The following VAV2 variants were observed in gnomAD, a reference collection of about 807,000 sequenced individuals.
VAV2 encodes guanine nucleotide exchange factor VAV2.
VAV2 carries 67 observed loss-of-function variants against 132.5 expected under a neutral mutation model. That is an observed-to-expected ratio of 0.51 (90% CI 0.42 to 0.62). The LOEUF is 0.62. Among genes scored for constraint, VAV2 ranks in the 20% least tolerant of loss-of-function variants. VAV2 has a pLI of 0.00. For synonymous variants in VAV2, 492 were observed against 443.5 expected (o/e 1.11, Z -1.37); for missense variants, 938 against 1,153.6 (o/e 0.81, Z 2.71).
intron 4 of VAV2, among the ~76,000 whole-genome samples, chr9:133,814,136 A>G (rs913718391): frequency 1.3e-5 from 2 of 152,172 alleles, no homozygotes; most frequent in African/African-American, 4.8e-5. Flanking sequence ...CTCCCCTGGG[A>G]ACAGACATGA....
intron 4 of VAV2, among the ~76,000 whole-genome samples, chr9:133,815,025 C>T (rs574326729): frequency 1.8e-4 from 28 of 152,076 alleles, no homozygotes; most frequent in Admixed American, 2.6e-4. Context: ...CCACTGATCC[C>T]GGGATGGAAG....
At chr9:133,784,901 C>T (rs1265508314) in intron 17 of VAV2, among the ~76,000 whole-genome samples, 1 of 152,052 alleles carries the variant, frequency 6.6e-6, no homozygotes, top group Non-Finnish European at 1.5e-5. Context: ...ACGCGGATGG[C>T]GGCAGCGTGG....
chr9:133,942,731 C>T (rs545385904), intron 1 of VAV2, among the ~76,000 whole-genome samples: 115 of 152,336 alleles, frequency 7.5e-4, no homozygotes, highest in Admixed American at 1.2e-3. Flanking sequence ...TTCCCATGGG[C>T]CCAGCAACTG....
At chr9:133,814,248 C>G (rs767871928) in intron 4 of VAV2, among the ~76,000 whole-genome samples, 1 of 152,236 alleles carries the variant, frequency 6.6e-6, no homozygotes, top group Admixed American at 6.5e-5. Flanking sequence ...CTGCCACCAG[C>G]GATGACACAA....
chr9:133,835,781 G>C (rs570558039), intron 3 of VAV2, among the ~76,000 whole-genome samples: 9 of 152,328 alleles, frequency 5.9e-5, no homozygotes, highest in Admixed American at 4.6e-4. Context: ...GGGCAGGGGG[G>C]AGTCCGCTGA....
Position 133,883,060 on chromosome 9 carries a change from C to A in VAV2, c.322-21628G>T, listed in dbSNP as rs567380912. On this transcript the variant is annotated intron_variant, in intron 2 of 29. Transcript: ENST00000371850. The surrounding 1 kb of genome is among the most constrained non-coding windows in gnomAD (Gnocchi z 4.2). ...CTTGGCCCCCTAATGGCCCTCTTTC[C>A]CAGGGAACAACCTCCCCAGGCTCCA... is the stretch of plus-strand genomic sequence containing the variant. 1.8e-4 allele frequency among the ~76,000 whole-genome samples: 28 copies of A among 152,306 alleles called. No homozygotes were observed. The highest frequency in any genetic ancestry group is 6.7e-4 in the African/African-American group (28 of 41,572).
rs551997831 is a variant in VAV2, at chr9:133,976,670, T to A, written c.204+15405A>T. ...CTCCCCAGCGCCTTCTCCCGGCAGC[T>A]ACGCATCTGGCTTTCTGTCCTGCGA... On this transcript the variant is annotated intron_variant, in intron 1 of 29. Transcript: ENST00000371850. Among the ~76,000 whole-genome samples the A allele has an allele frequency of 6.7e-3, 1,017 of 152,348 alleles. 9 individuals carry two copies. Among genetic ancestry groups the A allele is most frequent in the Non-Finnish European group, 7.8e-3 (531 of 68,030 alleles).
Position 133,834,086 on chromosome 9 carries a change from A to G in VAV2, c.449+186T>C, listed in dbSNP as rs1836366057. Among the ~76,000 whole-genome samples, 1 of 152,204 alleles carries G rather than the reference A, an allele frequency of 6.6e-6. No individual in the cohort carries two copies. The highest frequency in any genetic ancestry group is 2.4e-5 in the African/African-American group (1 of 41,462). ...CTCATGTCTGAGGTCTCTCAGATGC[A>G]TGCCTTCCCACTCAGCACGGAAGCC... On this transcript the variant is annotated intron_variant, in intron 4 of 29. Transcript: ENST00000371850. This position sits in a 1 kb window ranked among gnomAD's most constrained non-coding sequence, Gnocchi z 5.9.
Position 133,809,121 on chromosome 9 carries a change from T to C in VAV2, c.585A>G (p.Glu195=), listed in dbSNP as rs2131693979. ...GCAGGCAGCAGTTCCTCTTGTCATC[T>C]TCAGTCATGCCCATTTTCTAGAGGA... ...IRYMQKMGMT[E]DDKRNCCLLE... Residue 195 remains glutamate, a synonymous_variant, in exon 7 of 30, where the codon GAA becomes GAG. Transcript: ENST00000371850. 2 of 1,613,930 alleles carry C rather than the reference T, an allele frequency of 1.2e-6. No homozygotes were observed. The highest frequency in any genetic ancestry group is 1.7e-6 in the Non-Finnish European group (2 of 1,179,920).
In VAV2 at chr9:133,852,609, T is replaced by A. The variant is rs1150063; in HGVS notation, c.380+8765A>T. Among the ~76,000 whole-genome samples the A allele has an allele frequency of 4.6e-5, 7 of 152,288 alleles. No homozygotes were observed. In the South Asian group the frequency reaches 1.0e-3, roughly 23 times the overall value. On this transcript the variant is annotated intron_variant, in intron 3 of 29. Transcript: ENST00000371850. ...TTAAAGACAGACACAGGCAGATCCC[T>A]GCCCCACTGCAGAAGCTCAGGCTGG...
intron 2 of VAV2, among the ~76,000 whole-genome samples, chr9:133,923,765 G>C (rs1213161115): frequency 2.0e-5 from 3 of 152,162 alleles, no homozygotes; most frequent in Non-Finnish European, 4.4e-5. Context: ...TGATAGACTG[G>C]ATTAAGAAAA....
rs73663838 is a variant in VAV2 at position 133,791,128 on chromosome 9, C to A, written c.1188+655G>T. Reference sequence around the variant, plus strand: ...GAGGTGGAGAAGCCCAGGTTAGAACCAGCAGATCCTCGGGAAGTCGGCTCC... The same window carrying A: ...GAGGTGGAGAAGCCCAGGTTAGAACAAGCAGATCCTCGGGAAGTCGGCTCC... On this transcript the variant is annotated intron_variant, in intron 13 of 29. Transcript: ENST00000371850. Among the ~76,000 whole-genome samples, 1,070 of 152,318 alleles carry A rather than the reference C, an allele frequency of 7.0e-3. 12 individuals carry two copies. The highest frequency in any genetic ancestry group is 0.024 in the African/African-American group (979 of 41,574).
chr9:133,926,525 C>A lies in VAV2; in HGVS notation c.321+12578G>T, dbSNP rs1412473814. Among the ~76,000 whole-genome samples, 2 of 152,132 alleles carry A rather than the reference C, an allele frequency of 1.3e-5. No homozygotes were observed. The highest frequency in any genetic ancestry group is 6.5e-5 in the Admixed American group (1 of 15,282). The stretch of plus-strand genomic sequence containing the variant: ...CTCTCTGGCACTGCCCTAGCTCCTG[C>A]CCCTCCCAGTCTCCTACTCCAAGCA... On this transcript the variant is annotated intron_variant, in intron 2 of 29. Transcript: ENST00000371850. This position sits in a 1 kb window ranked among gnomAD's most constrained non-coding sequence, Gnocchi z 4.3.
intron 1 of VAV2, among the ~76,000 whole-genome samples, chr9:133,989,496 G>A (rs1288813356): frequency 1.3e-5 from 2 of 150,410 alleles, no homozygotes; most frequent in African/African-American, 4.9e-5. Flanking sequence ...CTCCAGCCTG[G>A]GCAATAGAGC....
chr9:133,829,198 T>A (rs1836169048), intron 4 of VAV2, among the ~76,000 whole-genome samples: 1 of 152,256 alleles, frequency 6.6e-6, no homozygotes, highest in Admixed American at 6.5e-5. Context: ...TTAGAGCAAT[T>A]TAAAAACAGG....
chr9:133,771,199 G>C (rs1833614025), intron 26 of VAV2, among the ~76,000 whole-genome samples: 1 of 152,076 alleles, frequency 6.6e-6, no homozygotes, highest in East Asian at 1.9e-4. Context: ...AAGTAGGGGG[G>C]ACTACAGGCG....
chr9:133,773,642 GT>G (rs112796693), intron 25 of VAV2, among the ~76,000 whole-genome samples: 22 of 137,180 alleles, frequency 1.6e-4, no homozygotes, highest in East Asian at 3.9e-4. Context: ...AAGCTTTCCT[GT>G]TTTTTTTCTT....
chr9:133,801,763 G>T (rs538932356), intron 9 of VAV2, among the ~76,000 whole-genome samples: 9 of 152,342 alleles, frequency 5.9e-5, no homozygotes, highest in Admixed American at 3.9e-4. Context: ...CCTCAGAAAA[G>T]GACACAGAGA....
At chr9:133,891,625 G>GA (rs1838957346) in intron 2 of VAV2, among the ~76,000 whole-genome samples, 1 of 1,522 alleles carries the variant, frequency 6.6e-4, no homozygotes. Flanking sequence ...GGGATGGAGG[G>GA]GAGGGAGGGC....
Sources: gnomAD v4.1 joint callset for allele counts (sites outside exome capture counted in the v4.1 genomes callset) on GRCh38, gnomAD v4.1.1 for gene constraint, Gnocchi (gnomAD v3.1) non-coding constraint, MANE v1.5 for transcripts, NCBI Gene and HGNC (gene_info 2026-07-23, HGNC 2026-07-21) for gene names.